Variants in XXYLT1 observed in about 807,000 individuals in gnomAD.
The protein encoded by XXYLT1 is xyloside xylosyltransferase 1, also known as UDP-xylose:alpha-xyloside alpha-1,3-xylosyltransferase.
In XXYLT1, 20 loss-of-function variants were observed where a neutral mutation model predicts 28.9. The observed-to-expected ratio is 0.69, with a 90% CI of 0.49 to 1.00. XXYLT1 has a LOEUF of 1.00. Among genes scored for constraint, XXYLT1 ranks in the 50% least tolerant of loss-of-function variants. XXYLT1 has a pLI of 0.00. For synonymous variants in XXYLT1, 257 were observed against 253.8 expected, an observed-to-expected ratio of 1.01 and a Z score of -0.12; for missense variants, 542 against 560.1, an observed-to-expected ratio of 0.97 and a Z score of 0.33.
At chr3:195,122,480 T>TTGG (rs1718414055) in intron 3 of XXYLT1, among the ~76,000 whole-genome samples, 1 of 152,022 alleles carries the variant, frequency 6.6e-6, no homozygotes, top group Admixed American at 6.5e-5. Context: ...GTAGTAGTAC[T>TTGG]CAGTACTCAG....
rs550035606 is a variant in XXYLT1 at position 195,124,225 on chromosome 3, C to T, written c.785+32224G>A. On this transcript the variant is annotated intron_variant, in intron 3 of 3. Coordinates refer to ENST00000310380, the MANE Select transcript of XXYLT1 (RefSeq NM_152531.5). The surrounding 1 kb of genome is among the most constrained non-coding windows in gnomAD (Gnocchi z 4.1). ...AAGAGACAGAGGGCCAGGGTGGTTA[C>T]GCAGTAAGCCAGATCTCAGGTAGAG... 5.8e-4 allele frequency among the ~76,000 whole-genome samples: 89 copies of T among 152,314 alleles called. No homozygotes were observed. Among genetic ancestry groups the T allele is most frequent in the African/African-American group, 2.0e-3 (85 of 41,562 alleles).
At chr3:195,072,265 C>G (rs1714863979) in intron 3 of XXYLT1, among the ~76,000 whole-genome samples, 1 of 152,202 alleles carries the variant, frequency 6.6e-6, no homozygotes, top group Non-Finnish European at 1.5e-5. Flanking sequence ...TCAACCTCCC[C>G]ACCAGATCTA....
intron 1 of XXYLT1, among the ~76,000 whole-genome samples, chr3:195,250,596 C>G (rs1259429203): frequency 6.6e-6 from 1 of 151,984 alleles, no homozygotes; most frequent in Non-Finnish European, 1.5e-5. Flanking sequence ...CAACCACCCC[C>G]ATACTCCTGG....
At chr3:195,221,657 C>G (rs1235738220) in intron 2 of XXYLT1, among the ~76,000 whole-genome samples, 1 of 152,228 alleles carries the variant, frequency 6.6e-6, no homozygotes, top group African/African-American at 2.4e-5. Flanking sequence ...GCCAGCAGCG[C>G]CTCAGGCCAT....
At chr3:195,258,248 A>T (rs1251890639) in intron 1 of XXYLT1, among the ~76,000 whole-genome samples, 2 of 152,174 alleles carry the variant, frequency 1.3e-5, no homozygotes, top group Non-Finnish European at 2.9e-5. Context: ...TCAGGGGGAT[A>T]GTGTGGCAGC....
chr3:195,153,384 A>T (rs572911754), intron 3 of XXYLT1, among the ~76,000 whole-genome samples: 1 of 152,308 alleles, frequency 6.6e-6, no homozygotes, highest in East Asian at 1.9e-4. Flanking sequence ...GGCACGCGGC[A>T]GGCAGTGCAG....
intron 2 of XXYLT1, among the ~76,000 whole-genome samples, chr3:195,208,784 G>T (rs1723183938): frequency 6.6e-6 from 1 of 152,052 alleles, no homozygotes; most frequent in Non-Finnish European, 1.5e-5. Context: ...ACGGGGGAGC[G>T]AGGTGAGGGA....
chr3:195,085,524 T>C (rs917308708), intron 3 of XXYLT1, among the ~76,000 whole-genome samples: 9 of 152,212 alleles, frequency 5.9e-5, no homozygotes. Context: ...CACCCAGTTC[T>C]ACTCGAGAAG....
chr3:195,210,290 C>G lies in XXYLT1; in HGVS notation c.652+16419G>C, dbSNP rs1343818179. Among the ~76,000 whole-genome samples, 1 of 152,256 alleles carries G rather than the reference C, an allele frequency of 6.6e-6. No homozygotes were observed. The highest frequency in any genetic ancestry group is 1.5e-5 in the Non-Finnish European group (1 of 68,050). The stretch of plus-strand genomic sequence containing the variant: ...AGGACGCTGCTCTGCTGACCTCTCG[C>G]CTCTTGCTCCCTGTGTGACACCCAC... On this transcript the variant is annotated intron_variant, in intron 2 of 3. Transcript: ENST00000310380. This position sits in a 1 kb window ranked among gnomAD's most constrained non-coding sequence, Gnocchi z 4.8.
intron 2 of XXYLT1, among the ~76,000 whole-genome samples, chr3:195,186,970 C>T (rs1364229771): frequency 6.6e-6 from 1 of 151,178 alleles, no homozygotes; most frequent in Non-Finnish European, 1.5e-5. Context: ...TCTCGGCTCA[C>T]CGCAACCTCC....
At chr3:195,151,567 A>G (rs1196950127) in intron 3 of XXYLT1, among the ~76,000 whole-genome samples, 4 of 151,932 alleles carry the variant, frequency 2.6e-5, no homozygotes, top group Admixed American at 2.6e-4. Context: ...AAATTTCAAT[A>G]TACAATAAAC....
chr3:195,247,257 G>A (rs1004929270), intron 1 of XXYLT1, among the ~76,000 whole-genome samples: 3 of 152,344 alleles, frequency 2.0e-5, no homozygotes, highest in South Asian at 4.1e-4. Flanking sequence ...TGAAATCTGA[G>A]GGTGGTCGGT....
intron 3 of XXYLT1, among the ~76,000 whole-genome samples, chr3:195,116,128 T>C (rs990821366): frequency 6.6e-6 from 1 of 152,164 alleles, no homozygotes; most frequent in African/African-American, 2.4e-5. Flanking sequence ...CGCTGTGTTC[T>C]GGTAGGTGAC....
At chr3:195,110,570 G>T (rs1162610159) in intron 3 of XXYLT1, among the ~76,000 whole-genome samples, 6 of 119,000 alleles carry the variant, frequency 5.0e-5, no homozygotes, top group African/African-American at 2.1e-4. Context: ...TATGTATGTG[G>T]TGTGTTGTGT....
intron 2 of XXYLT1, among the ~76,000 whole-genome samples, chr3:195,175,190 C>A (rs529221378): frequency 1.4e-4 from 22 of 152,298 alleles, no homozygotes; most frequent in Non-Finnish European, 2.9e-4. Context: ...CAGGGCAGAG[C>A]GGTCAGGGAA....
chr3:195,251,973 C>T (rs78892985), intron 1 of XXYLT1, among the ~76,000 whole-genome samples: 13,311 of 152,214 alleles, frequency 0.087, 1,048 homozygotes, highest in African/African-American at 0.2. Flanking sequence ...GGCCATCTCT[C>T]AGAAGGCAAA....
chr3:195,119,570 C>G (rs1178686620), intron 3 of XXYLT1, among the ~76,000 whole-genome samples: 2 of 152,144 alleles, frequency 1.3e-5, no homozygotes, highest in East Asian at 3.9e-4. Context: ...TGTAAACACA[C>G]TCCTAGCCCG....
At chr3:195,160,001 C>T (rs1720792705) in intron 2 of XXYLT1, among the ~76,000 whole-genome samples, 1 of 152,036 alleles carries the variant, frequency 6.6e-6, no homozygotes, top group Admixed American at 6.6e-5. Flanking sequence ...CCAATTAAAC[C>T]AGCCACAAGC....
At position 195,140,903 on chromosome 3, in the gene XXYLT1, C is replaced by T. The variant is rs73062367; in HGVS notation, c.785+15546G>A. Reference sequence around the variant, plus strand: ...TCCTAACCTCCAGTGGGATGGTATTCGGGGGATTTGGGGGAGTTATTAGGT... The same window carrying T: ...TCCTAACCTCCAGTGGGATGGTATTTGGGGGATTTGGGGGAGTTATTAGGT... On this transcript the variant is annotated intron_variant, in intron 3 of 3. Coordinates refer to ENST00000310380, the MANE Select transcript of XXYLT1 (RefSeq NM_152531.5). 1.6e-3 allele frequency among the ~76,000 whole-genome samples: 250 copies of T among 152,100 alleles called. 2 individuals are homozygous for T. Among genetic ancestry groups the T allele is most frequent in the Non-Finnish European group, 1.5e-3 (99 of 67,988 alleles).
Sources: allele counts gnomAD v4.1 joint callset (sites outside exome capture counted in the v4.1 genomes callset), GRCh38; gene constraint gnomAD v4.1.1; non-coding constraint Gnocchi (gnomAD v3.1); transcripts MANE v1.5; gene names NCBI Gene and HGNC (gene_info 2026-07-23, HGNC 2026-07-21).